MARCHF4: variants seen among roughly 807,000 people sequenced by gnomAD.
MARCHF4 encodes the protein membrane associated ring-CH-type finger 4.
In MARCHF4, 14 loss-of-function variants were observed where a neutral mutation model predicts 43.9. That is an observed-to-expected ratio of 0.32 (90% confidence interval 0.21 to 0.50). The LOEUF (loss-of-function observed/expected upper bound fraction) is 0.50. Among genes scored for constraint, MARCHF4 ranks in the 20% least tolerant of loss-of-function variants. MARCHF4 has a pLI of 0.98. For synonymous variants in MARCHF4, 226 were observed against 213.3 expected (o/e 1.06, Z -0.52); for missense variants, 468 against 536.7 (o/e 0.87, Z 1.27).
chr2:216,362,584 C>T (rs1510837), intron 1 of MARCHF4, among the ~76,000 whole-genome samples: 48,584 of 152,064 alleles, frequency 0.32, 7,985 homozygotes, highest in East Asian at 0.51. Flanking sequence ...GAGTACAATT[C>T]GCTGGGTTCA....
At chr2:216,359,772 G>C (rs915726235) in intron 1 of MARCHF4, among the ~76,000 whole-genome samples, 1 of 152,200 alleles carries the variant, frequency 6.6e-6, no homozygotes, top group Non-Finnish European at 1.5e-5. Flanking sequence ...TAAAAACGAA[G>C]TAGTACCCTT....
At chr2:216,366,082 C>T (rs1229200230) in intron 1 of MARCHF4, among the ~76,000 whole-genome samples, 1 of 152,192 alleles carries the variant, frequency 6.6e-6, no homozygotes, top group Non-Finnish European at 1.5e-5. Flanking sequence ...ACAGCACTCT[C>T]TTGCATCTGA....
At chr2:216,294,913 C>T (rs892393011) in intron 1 of MARCHF4, among the ~76,000 whole-genome samples, 5 of 152,220 alleles carry the variant, frequency 3.3e-5, no homozygotes, top group African/African-American at 1.2e-4. Context: ...CCCAGTTCTT[C>T]CACTTGCTTG....
intron 3 of MARCHF4, among the ~76,000 whole-genome samples, chr2:216,271,717 C>A (rs1690941581): frequency 6.6e-6 from 1 of 152,146 alleles, no homozygotes; most frequent in Admixed American, 6.5e-5. Context: ...TGTCTCCCTC[C>A]CCAACAAGAA....
intron 1 of MARCHF4, among the ~76,000 whole-genome samples, chr2:216,284,825 G>T (rs891620506): frequency 1.8e-4 from 28 of 152,114 alleles, no homozygotes; most frequent in African/African-American, 6.5e-4. Flanking sequence ...TTGTGGCCTG[G>T]CTGAGGTTTG....
intron 1 of MARCHF4, among the ~76,000 whole-genome samples, chr2:216,312,190 C>T (rs963559397): frequency 1.3e-5 from 2 of 152,162 alleles, no homozygotes; most frequent in African/African-American, 4.8e-5. Context: ...TTGTTTAACT[C>T]CCATTTATAA....
chr2:216,274,423 C>T lies in MARCHF4; in HGVS notation c.865+3249G>A, dbSNP rs113989817. On this transcript the variant is annotated intron_variant, in intron 3 of 3. Transcript: ENST00000273067. ...ATATCCCTGGCAGGCATTGCAGGCTCTACCCGATTCTCCCTCCAGAGAGCC... is the reference window on the plus strand; with the variant it reads ...ATATCCCTGGCAGGCATTGCAGGCTTTACCCGATTCTCCCTCCAGAGAGCC... Among the ~76,000 whole-genome samples the T allele has an allele frequency of 2.0e-5, 3 of 152,328 alleles. No homozygotes were observed. The East Asian group carries it at 5.8e-4, about 29-fold the overall frequency.
chr2:216,320,675 C>CTT (rs749350936), intron 1 of MARCHF4, among the ~76,000 whole-genome samples: 4 of 33,100 alleles, frequency 1.2e-4, no homozygotes, highest in African/African-American at 4.8e-4. Context: ...TTCTTTCTTT[C>CTT]TTTTTTTTTT....
intron 1 of MARCHF4, among the ~76,000 whole-genome samples, chr2:216,354,910 TC>T (rs1238695416): frequency 2.3e-5 from 2 of 85,520 alleles, no homozygotes; most frequent in Non-Finnish European, 4.5e-5. Flanking sequence ...TTTCTTTCTT[TC>T]TTTCTTTCTT....
chr2:216,360,563 G>A (rs1692559787), intron 1 of MARCHF4, among the ~76,000 whole-genome samples: 1 of 152,014 alleles, frequency 6.6e-6, no homozygotes, highest in African/African-American at 2.4e-5. Flanking sequence ...TGACATCCTG[G>A]AAAAGGCCAA....
At chr2:216,315,128 G>T (rs1691754366) in intron 1 of MARCHF4, among the ~76,000 whole-genome samples, 1 of 152,076 alleles carries the variant, frequency 6.6e-6, no homozygotes, top group Non-Finnish European at 1.5e-5. Context: ...GGGGAAAAAG[G>T]TCAAGCAAAT....
In MARCHF4 at chr2:216,365,868, C is replaced by T. The variant is rs577702561; in HGVS notation, c.516+3877G>A. Reference sequence around the variant, plus strand: ...CCCAGAGGGCAGGACCACATCTACCCTATGTCTCTGGACCTTGTCCAGCAG... The same window carrying T: ...CCCAGAGGGCAGGACCACATCTACCTTATGTCTCTGGACCTTGTCCAGCAG... On this transcript the variant is annotated intron_variant, in intron 1 of 3. Transcript: ENST00000273067. Among the ~76,000 whole-genome samples the T allele has an allele frequency of 3.3e-5, 5 of 152,286 alleles. No homozygotes were observed. The East Asian group carries it at 9.7e-4, about 29-fold the overall frequency.
chr2:216,329,907 G>A lies in MARCHF4; in HGVS notation c.516+39838C>T, dbSNP rs111279937. Among the ~76,000 whole-genome samples, 476 of 151,884 alleles carry A rather than the reference G, an allele frequency of 3.1e-3. 1 individual carries two copies. Among genetic ancestry groups the A allele is most frequent in the African/African-American group, 0.011 (453 of 41,396 alleles). On this transcript the variant is annotated intron_variant, in intron 1 of 3. Coordinates refer to ENST00000273067, the MANE Select transcript of MARCHF4 (RefSeq NM_020814.3). ...TTGAGACCAGCCTGGGTAGCATTGT[G>A]ACACCCCTGTTTCTACAAAAATAAA... is the stretch of plus-strand genomic sequence containing the variant.
chr2:216,269,573 AAC>A (rs575039475), intron 3 of MARCHF4, among the ~76,000 whole-genome samples: 313 of 152,304 alleles, frequency 2.1e-3, no homozygotes, highest in African/African-American at 7.3e-3. Context: ...TTCTGATTAT[AAC>A]AGTTTCGGCA....
chr2:216,355,334 A>G (rs927162025), intron 1 of MARCHF4, among the ~76,000 whole-genome samples: 1 of 152,192 alleles, frequency 6.6e-6, no homozygotes, highest in African/African-American at 2.4e-5. Flanking sequence ...TCAAGCACAT[A>G]TAAAAGTAGA....
At chr2:216,273,037 G>A (rs1270259679) in intron 3 of MARCHF4, among the ~76,000 whole-genome samples, 1 of 152,218 alleles carries the variant, frequency 6.6e-6, no homozygotes, top group Non-Finnish European at 1.5e-5. Flanking sequence ...AGCTGTGGAT[G>A]GGGTTGAAGC....
chr2:216,267,379 G>A (rs1690862976), intron 3 of MARCHF4, among the ~76,000 whole-genome samples: 1 of 152,172 alleles, frequency 6.6e-6, no homozygotes, highest in Admixed American at 6.5e-5. Flanking sequence ...GAAAACTTGT[G>A]CAAGGCTGGG....
At chr2:216,297,917 C>G (rs1460241253) in intron 1 of MARCHF4, among the ~76,000 whole-genome samples, 1 of 152,238 alleles carries the variant, frequency 6.6e-6, no homozygotes, top group Admixed American at 6.5e-5. Context: ...AGGACACACT[C>G]TCTCAAATCC....
At chr2:216,304,932 C>A (rs998593141) in intron 1 of MARCHF4, among the ~76,000 whole-genome samples, 3 of 151,830 alleles carry the variant, frequency 2.0e-5, no homozygotes, top group African/African-American at 7.3e-5. Flanking sequence ...CCAGTCTGGG[C>A]AACACAGTGA....
Sources: gnomAD v4.1 joint callset for allele counts (sites outside exome capture counted in the v4.1 genomes callset) on GRCh38, gnomAD v4.1.1 for gene constraint, MANE v1.5 for transcripts, NCBI Gene and HGNC (gene_info 2026-07-23, HGNC 2026-07-21) for gene names.